The following ZNF100 variants were observed in gnomAD, a reference collection of about 807,000 sequenced individuals.
The protein encoded by ZNF100 is zinc finger protein 100 (Y1).
ZNF100 carries 12 observed loss-of-function variants against 15.8 expected under a neutral mutation model. That is an observed-to-expected ratio of 0.76 (90% CI 0.49 to 1.23). The LOEUF (loss-of-function observed/expected upper bound fraction) is 1.23. Ranked by LOEUF, ZNF100 falls within the 50% of genes most tolerant of loss-of-function variation. ZNF100 has a pLI of 0.00. For synonymous variants in ZNF100, 226 were observed against 214.8 expected, an observed-to-expected ratio of 1.05 and a Z score of -0.45; for missense variants, 670 against 635.6, an observed-to-expected ratio of 1.05 and a Z score of -0.58.
chr19:21,743,999 G>A lies in ZNF100; in HGVS notation c.322+18C>T, dbSNP rs752793940. On this transcript the variant is annotated intron_variant, in intron 4 of 4. Coordinates refer to ENST00000358296, the MANE Select transcript of ZNF100 (RefSeq NM_173531.4). ...GGACCTCACATCTGTGTCATCTGTT[G>A]TGTTCACTCTCACCTACCTGGGGGT... The A allele has an allele frequency of 6.2e-6, 10 of 1,602,144 alleles. No homozygotes were observed. Among genetic ancestry groups the A allele is most frequent in the African/African-American group, 1.3e-5 (1 of 74,176 alleles).
intron 2 of ZNF100, among the ~76,000 whole-genome samples, chr19:21,756,417 TC>T (rs2036394040): frequency 1.3e-5 from 2 of 152,104 alleles, no homozygotes; most frequent in Middle Eastern, 3.2e-3. Flanking sequence ...GGATACTAAA[TC>T]AGTAGCATCT....
At chr19:21,737,897 C>T (rs1303977298) in intron 4 of ZNF100, among the ~76,000 whole-genome samples, 5 of 152,062 alleles carry the variant, frequency 3.3e-5, no homozygotes, top group African/African-American at 7.2e-5. Context: ...ATTCTGATAT[C>T]CAACCTGGCA....
At chr19:21,730,053 C>T (rs2035885118) in intron 4 of ZNF100, among the ~76,000 whole-genome samples, 1 of 151,262 alleles carries the variant, frequency 6.6e-6, no homozygotes, top group African/African-American at 2.4e-5. Context: ...AATGAGTGAC[C>T]AAGATATAAG....
chr19:21,767,414 C>A lies in ZNF100; in HGVS notation c.3+13G>T. The A allele has an allele frequency of 6.2e-7, 1 of 1,609,046 alleles. No homozygotes were observed. Among genetic ancestry groups the A allele is most frequent in the East Asian group, 2.2e-5 (1 of 44,870 alleles). On this transcript the variant is annotated intron_variant, in intron 1 of 4. Transcript: ENST00000358296. Reference sequence around the variant, plus strand: ...TTCGCCGTCTCTCGGGATGTCGGACCGGGCACTCTCACCATTTCTAGGCTT... The same window carrying A: ...TTCGCCGTCTCTCGGGATGTCGGACAGGGCACTCTCACCATTTCTAGGCTT...
intron 4 of ZNF100, among the ~76,000 whole-genome samples, chr19:21,736,765 G>A (rs1453899386): frequency 6.6e-6 from 1 of 152,110 alleles, no homozygotes; most frequent in Non-Finnish European, 1.5e-5. Flanking sequence ...CAACTGCATG[G>A]AAATTTAACA....
chr19:21,759,135 C>T (rs912539897), intron 2 of ZNF100, among the ~76,000 whole-genome samples: 9 of 152,176 alleles, frequency 5.9e-5, no homozygotes, highest in Admixed American at 5.9e-4. Flanking sequence ...CCCATAGGCC[C>T]ATCTATGTTT....
At chr19:21,732,333 T>A (rs34652503) in intron 4 of ZNF100, among the ~76,000 whole-genome samples, 13,106 of 152,200 alleles carry the variant, frequency 0.086, 723 homozygotes, top group South Asian at 0.18. Context: ...ATTAGGAGAA[T>A]TTTTATAACT....
At chr19:21,728,485 CAG>C (rs2035855500) in intron 4 of ZNF100, among the ~76,000 whole-genome samples, 1 of 152,056 alleles carries the variant, frequency 6.6e-6, no homozygotes, top group South Asian at 2.1e-4. Flanking sequence ...GTTTCAGCAA[CAG>C]AGAGACTGCT....
intron 2 of ZNF100, chr19:21,750,935 G>T: frequency 1.4e-6 from 1 of 722,452 alleles, no homozygotes; most frequent in South Asian, 1.8e-5. Context: ...CTGCGCAACC[G>T]ACATCTACGA....
intron 2 of ZNF100, among the ~76,000 whole-genome samples, chr19:21,763,427 T>C (rs2036512275): frequency 6.6e-6 from 1 of 152,064 alleles, no homozygotes; most frequent in Non-Finnish European, 1.5e-5. Flanking sequence ...CCGTCTCTAC[T>C]AAAAACACAA....
At chr19:21,731,735 G>T (rs1398877989) in intron 4 of ZNF100, among the ~76,000 whole-genome samples, 2 of 152,220 alleles carry the variant, frequency 1.3e-5, no homozygotes, top group Non-Finnish European at 2.9e-5. Flanking sequence ...ATGACATTAT[G>T]CAAAATAAAA....
intron 2 of ZNF100, among the ~76,000 whole-genome samples, chr19:21,757,104 A>C (rs374748379): frequency 1.2e-4 from 19 of 152,142 alleles, no homozygotes; most frequent in African/African-American, 4.6e-4. Context: ...GGAGTGCGAT[A>C]CCAGCCTGGC....
chr19:21,734,806 C>T (rs138881314), intron 4 of ZNF100, among the ~76,000 whole-genome samples: 2,381 of 152,166 alleles, frequency 0.016, 29 homozygotes, highest in Non-Finnish European at 0.025. Flanking sequence ...GGACAGCCAA[C>T]CGGAAGGCCA....
At chr19:21,732,660 CA>C (rs1429082932) in intron 4 of ZNF100, among the ~76,000 whole-genome samples, 1 of 149,410 alleles carries the variant, frequency 6.7e-6, no homozygotes, top group Non-Finnish European at 1.5e-5. Flanking sequence ...ATATATAACA[CA>C]AAATTAAAAT....
chr19:21,744,890 A>G lies in ZNF100; in HGVS notation c.223+51T>C, dbSNP rs1401888656. 5 of 1,580,576 alleles carry G rather than the reference A, an allele frequency of 3.2e-6. No individual in the cohort carries two copies. The African/African-American group carries it at 5.5e-5, about 17-fold the overall frequency. On this transcript the variant is annotated intron_variant, in intron 3 of 4. Coordinates refer to ENST00000358296, the MANE Select transcript of ZNF100 (RefSeq NM_173531.4). ...ATTACCAAAAATCATTCCACAAAAAAAGAGAAACCTTTACGGTATATTAGA... is the reference window on the plus strand; with the variant it reads ...ATTACCAAAAATCATTCCACAAAAAGAGAGAAACCTTTACGGTATATTAGA...
At chr19:21,743,892 A>C in intron 4 of ZNF100, 125 bp downstream of exon 4, 1 of 1,014,536 alleles carries the variant, frequency 9.9e-7, no homozygotes, top group Non-Finnish European at 1.4e-6. Flanking sequence ...AAACAAAAAC[A>C]CTCAGGCATC....
intron 4 of ZNF100, among the ~76,000 whole-genome samples, chr19:21,736,364 C>T (rs2036009093): frequency 1.3e-5 from 2 of 152,188 alleles, no homozygotes. Flanking sequence ...GCATTACAGG[C>T]ATGAGCCACA....
chr19:21,760,149 T>G (rs992665295), intron 2 of ZNF100, among the ~76,000 whole-genome samples: 17 of 144,748 alleles, frequency 1.2e-4, no homozygotes, highest in African/African-American at 4.3e-4. Flanking sequence ...GCCATTGTAC[T>G]CTAGCCTGAG....
chr19:21,745,558 C>A (rs1042834052), intron 2 of ZNF100, among the ~76,000 whole-genome samples: 1 of 151,548 alleles, frequency 6.6e-6, no homozygotes, highest in Non-Finnish European at 1.5e-5. Context: ...CTCTGTCGCC[C>A]AGGCCGGACT....
Sources: allele counts gnomAD v4.1 joint callset (sites outside exome capture counted in the v4.1 genomes callset), GRCh38; gene constraint gnomAD v4.1.1; transcripts MANE v1.5; gene names NCBI Gene and HGNC (gene_info 2026-07-23, HGNC 2026-07-21).